The following CERS1 variants were observed in gnomAD, a reference collection of about 807,000 sequenced individuals.
CERS1 encodes ceramide synthase 1, also known as Embryonic growth/differentiation factor 1.
In CERS1, 16 loss-of-function variants were observed where a neutral mutation model predicts 35.7. The ratio of observed to expected loss-of-function variants is 0.45; its 90% CI spans 0.30 to 0.68. The LOEUF is 0.68. CERS1 is among the 30% of genes least tolerant of loss of function. The pLI is 0.08. For synonymous variants in CERS1, 243 were observed against 201.6 expected, an observed-to-expected ratio of 1.21 and a Z score of -1.74; for missense variants, 454 against 453.9, an observed-to-expected ratio of 1.00 and a Z score of 0.00.
chr19:18,884,265 A>T lies in CERS1; in HGVS notation c.412T>A (p.Trp138Arg). The T allele has an allele frequency of 6.2e-7, 1 of 1,610,244 alleles. No homozygotes were observed. Among genetic ancestry groups the T allele is most frequent in the Non-Finnish European group, 8.5e-7 (1 of 1,178,788 alleles). The change falls in exon 3 of 8, where the codon TGG becomes AGG. Residue 138 changes from tryptophan (W) to arginine (R), a missense_variant and splice_region_variant. Trp to Arg is a moderately radical substitution (Grantham distance 101). Transcript: ENST00000623882. ...CGTGGCACTGCCATGCCCGGCGTCC[A>T]GTCTGGGGAGAGCCAAATCTCACAG... ...FHDPPSVFYDWTPGMAVPRDI... is the reference protein window; with the variant it reads ...FHDPPSVFYDRTPGMAVPRDI...
At chr19:18,875,979 T>C (rs2056053883) in intron 6 of CERS1, among the ~76,000 whole-genome samples, 1 of 152,230 alleles carries the variant, frequency 6.6e-6, no homozygotes, top group Non-Finnish European at 1.5e-5. Flanking sequence ...AGAGAATAAG[T>C]TCCTGTGGTT....
Position 18,869,146 on chromosome 19 carries a change from CA to C in CERS1, c.*838del. The C allele has an allele frequency of 1.8e-6, 2 of 1,118,208 alleles. No homozygotes were observed. The highest frequency in any genetic ancestry group is 6.5e-5 in the South Asian group (2 of 30,784). 69.3% of individuals were successfully genotyped at this position (1,118,208 alleles called of 1,614,324 possible). On this transcript the variant is annotated 3_prime_UTR_variant, in exon 8 of 8. Coordinates refer to ENST00000623882, the MANE Select transcript of CERS1 (RefSeq NM_021267.5). The stretch of plus-strand genomic sequence containing the variant: ...GCAGCTCCGCGCGCACTGGCGGCCC[CA>C]GGGCGGGCACCAACTGGCGGAGCAG...
Position 18,885,897 on chromosome 19 carries a change from G to A in CERS1, c.410-1630C>T, listed in dbSNP as rs1171410602. Among the ~76,000 whole-genome samples the A allele has an allele frequency of 2.6e-5, 4 of 152,124 alleles. No homozygotes were observed. In the East Asian group the frequency reaches 7.7e-4, roughly 29 times the overall value. Reference sequence around the variant, plus strand: ...GCAAATCCCTGGCCCTGACAGATGCGGCTGCCCACGGAGTCTTGCCATGCC... The same window carrying A: ...GCAAATCCCTGGCCCTGACAGATGCAGCTGCCCACGGAGTCTTGCCATGCC... On this transcript the variant is annotated intron_variant, in intron 2 of 7. Transcript: ENST00000623882.
chr19:18,879,403 G>T lies in CERS1; in HGVS notation c.753-15C>A, dbSNP rs1201571099. ...GGAACCAGAACCTGCGGTGGGAGGAGTCAGGAGGCCGTGGGTGGAGGGGGA... is the reference window on the plus strand; with the variant it reads ...GGAACCAGAACCTGCGGTGGGAGGATTCAGGAGGCCGTGGGTGGAGGGGGA... On this transcript the variant is annotated splice_polypyrimidine_tract_variant and intron_variant, in intron 4 of 7. Coordinates refer to ENST00000623882, the MANE Select transcript of CERS1 (RefSeq NM_021267.5). 3.9e-6 allele frequency: 6 copies of T among 1,554,686 alleles called. No homozygotes were observed. In the East Asian group the frequency reaches 9.7e-5, roughly 25 times the overall value.
At position 18,891,069 on chromosome 19, in the gene CERS1, A is replaced by G. The variant is rs370860417; in HGVS notation, c.409+2347T>C. 1.3e-4 allele frequency among the ~76,000 whole-genome samples: 19 copies of G among 151,862 alleles called. No individual in the cohort carries two copies. In the South Asian group the frequency reaches 4.0e-3, roughly 32 times the overall value. On this transcript the variant is annotated intron_variant, in intron 2 of 7. Coordinates refer to ENST00000623882, the MANE Select transcript of CERS1 (RefSeq NM_021267.5). ...AACCTGGGAGGTGGAGATTGCAGTG[A>G]GCCGAGATCGTGCCATTGCACTCCA... is the stretch of plus-strand genomic sequence containing the variant.
Position 18,882,828 on chromosome 19 carries a change from G to C in CERS1, c.590+1259C>G, listed in dbSNP as rs987931025. 2.0e-5 allele frequency among the ~76,000 whole-genome samples: 3 copies of C among 151,926 alleles called. No homozygotes were observed. The East Asian group carries it at 5.9e-4, about 30-fold the overall frequency. On this transcript the variant is annotated intron_variant, in intron 3 of 7. Coordinates refer to ENST00000623882, the MANE Select transcript of CERS1 (RefSeq NM_021267.5). ...CTGTCTCAGCCTCCTGAGTAGCTGG[G>C]ACTACAGGCGCCCACCACCACGCCC... is the stretch of plus-strand genomic sequence containing the variant.
chr19:18,881,296 C>T (rs760880784), intron 3 of CERS1, among the ~76,000 whole-genome samples: 62 of 151,728 alleles, frequency 4.1e-4, no homozygotes, highest in Non-Finnish European at 7.2e-4. Context: ...CTCAGCTCAC[C>T]GCAACCTCCA....
intron 6 of CERS1, among the ~76,000 whole-genome samples, chr19:18,872,158 C>G (rs748575841): frequency 6.6e-6 from 1 of 152,200 alleles, no homozygotes; most frequent in African/African-American, 2.4e-5. Flanking sequence ...GTTTAGCATC[C>G]TCGGTGATGG....
At chr19:18,884,901 A>G (rs2056313467) in intron 2 of CERS1, among the ~76,000 whole-genome samples, 1 of 150,776 alleles carries the variant, frequency 6.6e-6, no homozygotes. Flanking sequence ...TTTTTAGTAG[A>G]GATGGGCTTT....
chr19:18,868,637 TGCCGCA>T lies in CERS1; in HGVS notation c.*1342_*1347del. On this transcript the variant is annotated 3_prime_UTR_variant, in exon 8 of 8. Coordinates refer to ENST00000623882, the MANE Select transcript of CERS1 (RefSeq NM_021267.5). ...CTCGTCCACCACCATGTCCTCATAC[TGCCGCA>T]GCACCACGTTGTCGCTGTTGTCAAA... The T allele has an allele frequency of 6.4e-7, 1 of 1,574,540 alleles. No individual in the cohort carries two copies. The highest frequency in any genetic ancestry group is 8.6e-7 in the Non-Finnish European group (1 of 1,160,210).
chr19:18,885,521 T>TTTG (rs1555705577), intron 2 of CERS1, among the ~76,000 whole-genome samples: 3,235 of 134,772 alleles, frequency 0.024, 145 homozygotes, highest in Non-Finnish European at 0.035. Flanking sequence ...GTTTTTTTTT[T>TTTG]TTTTTTTTTT....
Position 18,895,841 on chromosome 19 carries a change from T to C in CERS1, c.232A>G (p.Thr78Ala). Residue 78 changes from threonine to alanine, a missense_variant, in exon 1 of 8, where the codon ACT (threonine) becomes GCT (alanine). By Grantham distance (58) the Thr-to-Ala change is moderately conservative (BLOSUM62 0). Transcript: ENST00000623882. The surrounding 1 kb of genome is among the most constrained non-coding windows in gnomAD (Gnocchi z 6.4). ...LGWTALRSAA[T>A]ARLFRPLAKR... ...ACACTGACCCGAAAGAGGCGCGCAG[T>C]GGCCGCGGAGCGCAGGGCGGTCCAG... 7.8e-7 allele frequency: 1 copy of C among 1,276,722 alleles called. No homozygotes were observed. Among genetic ancestry groups the C allele is most frequent in the Non-Finnish European group, 9.9e-7 (1 of 1,010,336 alleles). The allele number at this position is 1,276,722 out of a possible 1,614,324, so 79.1% of individuals were successfully genotyped here.
At chr19:18,873,633 T>C (rs561787102) in intron 6 of CERS1, among the ~76,000 whole-genome samples, 2 of 151,724 alleles carry the variant, frequency 1.3e-5, no homozygotes, top group Non-Finnish European at 2.9e-5. Context: ...AGGTCAGGTG[T>C]TCAAGACCAG....
rs185229456 is a variant in CERS1, at chr19:18,876,824, G to A, written c.1010+2106C>T. 1.3e-3 allele frequency among the ~76,000 whole-genome samples: 195 copies of A among 152,268 alleles called. No individual in the cohort carries two copies. The East Asian group carries it at 0.022, about 17-fold the overall frequency. ...CACATGGGTTGCAGCTAAAGAAACC[G>A]ACATTGGTGCTTTGCTATTAACTAA... On this transcript the variant is annotated intron_variant, in intron 6 of 7. Transcript: ENST00000623882.
At chr19:18,890,503 C>T (rs1412647401) in intron 2 of CERS1, among the ~76,000 whole-genome samples, 3 of 152,078 alleles carry the variant, frequency 2.0e-5, no homozygotes, top group Non-Finnish European at 2.9e-5. Context: ...TAAGGCTGGA[C>T]GAGGTGGCTC....
Position 18,895,922 on chromosome 19 carries a change from C to T in CERS1, c.151G>A (p.Glu51Lys). The change falls in exon 1 of 8, where the codon GAG (glutamate) becomes AAG (lysine). Residue 51 changes from glutamate (E) to lysine (K), a missense_variant. By Grantham distance (56) the Glu-to-Lys change is moderately conservative (BLOSUM62 1). Coordinates refer to ENST00000623882, the MANE Select transcript of CERS1 (RefSeq NM_021267.5). The surrounding 1 kb of genome is among the most constrained non-coding windows in gnomAD (Gnocchi z 6.4). ...TCGGGCGGCGCCAGGTGCGCGTGCTCAGCCAGGCCGCGACGCGCCAGCCCC... is the reference window on the plus strand; with the variant it reads ...TCGGGCGGCGCCAGGTGCGCGTGCTTAGCCAGGCCGCGACGCGCCAGCCCC... ...GWGLARRGLAEHAHLAPPELL... is the reference protein window; with the variant it reads ...GWGLARRGLAKHAHLAPPELL... The T allele has an allele frequency of 8.1e-7, 1 of 1,227,720 alleles. No individual in the cohort carries two copies. The highest frequency in any genetic ancestry group is 4.3e-5 in the Admixed American group (1 of 23,468). The allele number at this position is 1,227,720 out of a possible 1,614,324, so 76.1% of individuals were successfully genotyped here. A position where few individuals can be genotyped will look rare whatever the true frequency, so the allele number is the denominator to read the frequency against.
At position 18,893,416 on chromosome 19, in the gene CERS1, C is replaced by T. The variant is rs201815642; in HGVS notation, c.409G>A (p.Asp137Asn). 4.4e-6 allele frequency: 7 copies of T among 1,601,208 alleles called. No homozygotes were observed. Among genetic ancestry groups the T allele is most frequent in the African/African-American group, 4.0e-5 (3 of 74,670 alleles). The change falls in exon 2 of 8, where the codon GAC becomes AAC. Residue 137 changes from aspartate (D) to asparagine (N), a missense_variant and splice_region_variant. Asp to Asn is a conservative substitution (Grantham distance 23). Coordinates refer to ENST00000623882, the MANE Select transcript of CERS1 (RefSeq NM_021267.5). Reference protein sequence around the residue: ...FFHDPPSVFYDWTPGMAVPRD... With the variant: ...FFHDPPSVFYNWTPGMAVPRD... ...CCGGCCATCCCCTCAGGGCCCCTAC[C>T]GTAGAAGACAGATGGTGGGTCATGG...
rs927642111 is a variant in CERS1, at chr19:18,868,953, C to T, written c.*1032G>A. ...GGGCCGCCGCCCAACACGGGTTCGG[C>T]GTCGCGCCGCGGCCGGGCCAGGGGG... On this transcript the variant is annotated 3_prime_UTR_variant, in exon 8 of 8. Transcript: ENST00000623882. 52 of 1,187,856 alleles carry T rather than the reference C, an allele frequency of 4.4e-5. No individual in the cohort carries two copies. Among genetic ancestry groups the T allele is most frequent in the Non-Finnish European group, 5.2e-5 (50 of 958,114 alleles). The allele number at this position is 1,187,856 out of a possible 1,614,324, so 73.6% of individuals were successfully genotyped here.
In CERS1 at chr19:18,884,260, C is replaced by T. The variant is rs372257242; in HGVS notation, c.417G>A (p.Thr139=). 4.0e-5 allele frequency: 65 copies of T among 1,611,624 alleles called. No individual in the cohort carries two copies. Among genetic ancestry groups the T allele is most frequent in the Admixed American group, 6.7e-5 (4 of 59,756 alleles). Residue 139 remains threonine (T), a synonymous_variant, in exon 3 of 8, where the codon ACG becomes ACA. Transcript: ENST00000623882. ...TGTCCCGTGGCACTGCCATGCCCGG[C>T]GTCCAGTCTGGGGAGAGCCAAATCT... The part of the protein sequence containing the change: ...HDPPSVFYDW[T]PGMAVPRDIA...
Sources: allele counts gnomAD v4.1 joint callset (sites outside exome capture counted in the v4.1 genomes callset), GRCh38; gene constraint gnomAD v4.1.1; non-coding constraint Gnocchi (gnomAD v3.1); transcripts MANE v1.5; gene names NCBI Gene and HGNC (gene_info 2026-07-23, HGNC 2026-07-21).